Variants in SPPL3 observed in about 807,000 individuals in gnomAD.
SPPL3 encodes signal peptide peptidase-like 3.
SPPL3 carries 5 observed loss-of-function variants against 42.4 expected under a neutral mutation model. The ratio of observed to expected loss-of-function variants is 0.12; its 90% CI spans 0.06 to 0.25. The LOEUF (loss-of-function observed/expected upper bound fraction) is 0.25. Ranked by LOEUF, SPPL3 falls within the 10% of genes least tolerant of loss-of-function variation. The probability of loss-of-function intolerance (pLI) is 1.00; values close to 1 mark genes in which losing one functional copy is unlikely to be tolerated. For missense variants in SPPL3, 235 were observed against 489.0 expected, an observed-to-expected ratio of 0.48 and a Z score of 4.90; for synonymous variants, 195 against 181.8, an observed-to-expected ratio of 1.07 and a Z score of -0.58.
intron 1 of SPPL3, among the ~76,000 whole-genome samples, chr12:120,819,240 A>T (rs936115354): frequency 6.7e-6 from 1 of 150,062 alleles, no homozygotes. Context: ...ATTTTACTAT[A>T]TTACATTAAA....
chr12:120,780,823 T>C (rs748319363), intron 6 of SPPL3, among the ~76,000 whole-genome samples: 8 of 150,414 alleles, frequency 5.3e-5, no homozygotes, highest in Middle Eastern at 3.4e-3. Flanking sequence ...TGAGGCAGAA[T>C]AGTTGGAATC....
At chr12:120,769,107 G>A (rs1419278907) in intron 6 of SPPL3, 48 bp from the exon 7 acceptor site, 3 of 1,436,902 alleles carry the variant, frequency 2.1e-6, no homozygotes, top group South Asian at 2.4e-5. Flanking sequence ...GTGGACTCCA[G>A]GCTCATCCTC....
intron 1 of SPPL3, among the ~76,000 whole-genome samples, chr12:120,895,979 T>C (rs1449711537): frequency 6.6e-6 from 1 of 152,166 alleles, no homozygotes; most frequent in Non-Finnish European, 1.5e-5. Flanking sequence ...TAATCACTTA[T>C]ATTCGATACA....
chr12:120,802,575 A>G (rs554535540), intron 2 of SPPL3, among the ~76,000 whole-genome samples: 1 of 151,526 alleles, frequency 6.6e-6, no homozygotes, highest in East Asian at 1.9e-4. Context: ...CTGGGATTAC[A>G]GGCATGCATC....
chr12:120,774,917 A>C (rs975097356), intron 6 of SPPL3, among the ~76,000 whole-genome samples: 3 of 152,118 alleles, frequency 2.0e-5, no homozygotes, highest in Non-Finnish European at 4.4e-5. Flanking sequence ...GTAAATGATT[A>C]ATCTTAGCCA....
intron 1 of SPPL3, among the ~76,000 whole-genome samples, chr12:120,874,919 G>C (rs1240416414): frequency 1.3e-5 from 2 of 152,154 alleles, no homozygotes; most frequent in Non-Finnish European, 2.9e-5. Flanking sequence ...CTTCTATTTG[G>C]CTCTCTTCTC....
In SPPL3 at chr12:120,882,974, T is replaced by C. The variant is rs975887837; in HGVS notation, c.23+20871A>G. Among the ~76,000 whole-genome samples the C allele has an allele frequency of 2.0e-5, 3 of 151,968 alleles. No individual in the cohort carries two copies. In the East Asian group the frequency reaches 5.8e-4, roughly 29 times the overall value. On this transcript the variant is annotated intron_variant, in intron 1 of 10. Coordinates refer to ENST00000353487, the MANE Select transcript of SPPL3 (RefSeq NM_139015.5). ...TTATCAACATATAGTTCTGGGACAA[T>C]TGGATTCCTAACTAATCCATACACA...
chr12:120,837,970 T>C (rs576620326), intron 1 of SPPL3, among the ~76,000 whole-genome samples: 3 of 152,082 alleles, frequency 2.0e-5, no homozygotes, highest in South Asian at 4.2e-4. Context: ...GAGGCGGAGG[T>C]TGCAGTGAGC....
chr12:120,832,047 C>T (rs1207456705), intron 1 of SPPL3, among the ~76,000 whole-genome samples: 9 of 152,212 alleles, frequency 5.9e-5, no homozygotes, highest in African/African-American at 1.9e-4. Flanking sequence ...TCTGAAATCT[C>T]AAACTGTAAA....
At chr12:120,831,161 C>G (rs1871415193) in intron 1 of SPPL3, among the ~76,000 whole-genome samples, 1 of 152,152 alleles carries the variant, frequency 6.6e-6, no homozygotes, top group Non-Finnish European at 1.5e-5. Context: ...AGACTCAGAT[C>G]AGGAGTTACA....
chr12:120,774,831 T>C (rs528207702), intron 6 of SPPL3, among the ~76,000 whole-genome samples: 4 of 152,256 alleles, frequency 2.6e-5, no homozygotes, highest in African/African-American at 7.2e-5. Flanking sequence ...TAGACACTCC[T>C]GAGACTCTCT....
chr12:120,867,673 T>C (rs193204957), intron 1 of SPPL3, among the ~76,000 whole-genome samples: 20 of 149,560 alleles, frequency 1.3e-4, no homozygotes, highest in Middle Eastern at 3.4e-3. Context: ...TATATATATA[T>C]ACATACTTAA....
At chr12:120,877,790 A>AG (rs1566067577) in intron 1 of SPPL3, among the ~76,000 whole-genome samples, 1 of 141,060 alleles carries the variant, frequency 7.1e-6, no homozygotes, top group African/African-American at 3.2e-5. Context: ...TTAAAAAAAA[A>AG]AAAGAAAGAA....
At chr12:120,867,944 ACCATGTTGG>A (rs1852247668) in intron 1 of SPPL3, among the ~76,000 whole-genome samples, 1 of 151,896 alleles carries the variant, frequency 6.6e-6, no homozygotes, top group Admixed American at 6.6e-5. Context: ...ACGGGGTTTC[ACCATGTTGG>A]CCAGGCTGGT....
chr12:120,767,387 C>G lies in SPPL3; in HGVS notation c.973+7G>C. ...AGGATCATCTGCAGTCTCTCTGGTT[C>G]TCTTACCTACAAAGTATCCGATGAG... On this transcript the variant is annotated splice_region_variant and intron_variant, in intron 9 of 10. Coordinates refer to ENST00000353487, the MANE Select transcript of SPPL3 (RefSeq NM_139015.5). The G allele has an allele frequency of 6.2e-7, 1 of 1,611,086 alleles. No homozygotes were observed. The highest frequency in any genetic ancestry group is 8.5e-7 in the Non-Finnish European group (1 of 1,179,872).
chr12:120,826,901 A>C (rs1416362928), intron 1 of SPPL3, among the ~76,000 whole-genome samples: 1 of 152,170 alleles, frequency 6.6e-6, no homozygotes, highest in Non-Finnish European at 1.5e-5. Context: ...TTTTCTAATT[A>C]ATCCTGACAA....
At chr12:120,781,438 T>G (rs1191801238) in intron 6 of SPPL3, among the ~76,000 whole-genome samples, 3 of 151,764 alleles carry the variant, frequency 2.0e-5, no homozygotes, top group African/African-American at 7.3e-5. Flanking sequence ...GTATGATGTA[T>G]ATCACGTACA....
rs1206184013 is a variant in SPPL3 at position 120,762,555 on chromosome 12, C to G, written c.*2444G>C. 2 of 150,624 alleles carry G rather than the reference C, an allele frequency of 1.3e-5. No individual in the cohort carries two copies. The highest frequency in any genetic ancestry group is 4.9e-5 in the African/African-American group (2 of 40,924). 9.3% of individuals were successfully genotyped at this position (150,624 alleles called of 1,614,324 possible). A position where few individuals can be genotyped will look rare whatever the true frequency, so the allele number is the denominator to read the frequency against. On this transcript the variant is annotated 3_prime_UTR_variant, in exon 11 of 11. Coordinates refer to ENST00000353487, the MANE Select transcript of SPPL3 (RefSeq NM_139015.5). ...TTTAATTTTCTTATGAAAACAAAGA[C>G]AGAAAAATTAAAATGACCCACTGCC...
At chr12:120,788,313 TCTTA>T (rs1287711310) in intron 3 of SPPL3, among the ~76,000 whole-genome samples, 1 of 152,230 alleles carries the variant, frequency 6.6e-6, no homozygotes, top group Non-Finnish European at 1.5e-5. Context: ...CAACTCTTCC[TCTTA>T]CTTCCATGTG....
Sources: allele counts gnomAD v4.1 joint callset (sites outside exome capture counted in the v4.1 genomes callset), GRCh38; gene constraint gnomAD v4.1.1; transcripts MANE v1.5; gene names NCBI Gene and HGNC (gene_info 2026-07-23, HGNC 2026-07-21).